The following TMPRSS11F variants were observed in gnomAD, a reference collection of about 807,000 sequenced individuals.
TMPRSS11F encodes transmembrane serine protease 11F, also known as transmembrane protease serine 11F.
A neutral mutation model predicts 60.2 loss-of-function variants in TMPRSS11F; 47 were observed. The observed-to-expected ratio is 0.78, with a 90% CI of 0.62 to 1.00. TMPRSS11F has a LOEUF of 1.00. Among genes scored for constraint, TMPRSS11F ranks in the 50% least tolerant of loss-of-function variants. TMPRSS11F has a pLI of 0.00. For missense variants in TMPRSS11F, 519 were observed against 522.9 expected (o/e 0.99, Z 0.07); for synonymous variants, 166 against 167.3 (o/e 0.99, Z 0.06).
chr4:68,115,044 C>CT (rs1724487326), intron 1 of TMPRSS11F, among the ~76,000 whole-genome samples: 1 of 144,816 alleles, frequency 6.9e-6, no homozygotes, highest in Non-Finnish European at 1.5e-5. Context: ...TTTCAACAAG[C>CT]TAGGGATAGA....
chr4:68,109,225 A>T (rs1724360422), intron 1 of TMPRSS11F, among the ~76,000 whole-genome samples: 1 of 152,112 alleles, frequency 6.6e-6, no homozygotes, highest in Admixed American at 6.6e-5. Flanking sequence ...GGTGCTGGGT[A>T]TTCTCTAGTG....
At chr4:68,060,515 C>A (rs1368229109) in intron 8 of TMPRSS11F, among the ~76,000 whole-genome samples, 12 of 29,632 alleles carry the variant, frequency 4.0e-4, no homozygotes, top group Admixed American at 1.6e-3. Context: ...GACTCCAACT[C>A]AAAAAAAAAA....
At chr4:68,077,758 G>A (rs1386860520) in intron 3 of TMPRSS11F, 4 of 152,230 alleles carry the variant, frequency 2.6e-5, no homozygotes, top group Admixed American at 2.6e-4. Context: ...TACTCAACTT[G>A]ACTGCCCAGA....
intron 1 of TMPRSS11F, among the ~76,000 whole-genome samples, 167 bp downstream of exon 1, chr4:68,129,643 T>C (rs1724780210): frequency 6.6e-6 from 1 of 152,132 alleles, no homozygotes. Context: ...AAAATTCTGA[T>C]ATTTAAAAAC....
intron 8 of TMPRSS11F, among the ~76,000 whole-genome samples, chr4:68,063,865 A>C (rs1296878717): frequency 6.6e-6 from 1 of 152,250 alleles, no homozygotes; most frequent in East Asian, 1.9e-4. Flanking sequence ...TTTAATGTTT[A>C]TGATCATCAT....
At chr4:68,081,968 C>A (rs996489626) in intron 3 of TMPRSS11F, among the ~76,000 whole-genome samples, 1 of 152,258 alleles carries the variant, frequency 6.6e-6, no homozygotes, top group South Asian at 2.1e-4. Flanking sequence ...AGTGGCAAGA[C>A]GGCTGCCCAG....
At chr4:68,097,217 T>C (rs1724091892) in intron 2 of TMPRSS11F, among the ~76,000 whole-genome samples, 1 of 152,228 alleles carries the variant, frequency 6.6e-6, no homozygotes. Flanking sequence ...GTTTGGTGAC[T>C]TAAAACAACA....
At chr4:68,062,420 T>C (rs1276384900) in intron 8 of TMPRSS11F, 2 of 605,920 alleles carry the variant, frequency 3.3e-6, no homozygotes, top group Non-Finnish European at 6.3e-6. Context: ...ACTTAAAGCA[T>C]TTTGGTAAAA....
At chr4:68,099,829 A>G (rs1724152637) in intron 1 of TMPRSS11F, among the ~76,000 whole-genome samples, 2 of 152,178 alleles carry the variant, frequency 1.3e-5, no homozygotes, top group African/African-American at 4.8e-5. Context: ...CCCTAAATGT[A>G]TACAGATTTT....
chr4:68,095,895 C>CAAAAAAAAAAAAAAAAAAAAAAAAAAA (rs56309846), intron 2 of TMPRSS11F, among the ~76,000 whole-genome samples: 1 of 83,556 alleles, frequency 1.2e-5, no homozygotes, highest in Non-Finnish European at 2.2e-5. Context: ...GATTCCATCT[C>CAAAAAAAAAAAAAAAAAAAAAAAAAAA]AAAAAAAAAA....
At chr4:68,084,603 T>C (rs1359035607) in intron 3 of TMPRSS11F, among the ~76,000 whole-genome samples, 1 of 152,168 alleles carries the variant, frequency 6.6e-6, no homozygotes, top group Non-Finnish European at 1.5e-5. Context: ...TTTTCAGATA[T>C]GCAAAAGCTA....
chr4:68,106,408 C>T (rs1724302520), intron 1 of TMPRSS11F, among the ~76,000 whole-genome samples: 1 of 152,158 alleles, frequency 6.6e-6, no homozygotes, highest in Admixed American at 6.6e-5. Context: ...CATGATGACA[C>T]TGGTATTTTC....
At chr4:68,098,779 T>C in intron 2 of TMPRSS11F, 108 bp downstream of exon 2, 1 of 1,024,696 alleles carries the variant, frequency 9.8e-7, no homozygotes, top group South Asian at 1.8e-5. Flanking sequence ...AAAAGACTGG[T>C]AATTAAAATG....
At chr4:68,075,186 A>G (rs1240302605) in intron 3 of TMPRSS11F, among the ~76,000 whole-genome samples, 3 of 152,164 alleles carry the variant, frequency 2.0e-5, no homozygotes, top group African/African-American at 7.2e-5. Context: ...AATGCCCAGT[A>G]GACTTTACCT....
chr4:68,089,476 C>T (rs1723881667), intron 3 of TMPRSS11F, among the ~76,000 whole-genome samples: 1 of 151,954 alleles, frequency 6.6e-6, no homozygotes, highest in Non-Finnish European at 1.5e-5. Flanking sequence ...TTGGAAATGT[C>T]TGATAATACA....
chr4:68,115,226 G>A (rs529546742), intron 1 of TMPRSS11F, among the ~76,000 whole-genome samples: 6 of 151,028 alleles, frequency 4.0e-5, no homozygotes, highest in South Asian at 2.1e-4. Flanking sequence ...GTGTGATGGC[G>A]GGCGCCTGTA....
At chr4:68,071,715 G>A (rs529190330) in intron 5 of TMPRSS11F, among the ~76,000 whole-genome samples, 3 of 152,100 alleles carry the variant, frequency 2.0e-5, no homozygotes, top group East Asian at 3.9e-4. Context: ...CTTTTCTTCC[G>A]CTTTGGAAGG....
At chr4:68,090,233 C>T (rs185818764) in intron 3 of TMPRSS11F, among the ~76,000 whole-genome samples, 4 of 151,918 alleles carry the variant, frequency 2.6e-5, no homozygotes, top group Admixed American at 2.0e-4. Context: ...GAAAATGAAT[C>T]GAAAACGATA....
chr4:68,120,801 A>G (rs543599675), intron 1 of TMPRSS11F, among the ~76,000 whole-genome samples: 5 of 152,306 alleles, frequency 3.3e-5, no homozygotes, highest in Admixed American at 2.0e-4. Flanking sequence ...GTTAGCAGCC[A>G]TGAATATTAA....
Sources: allele counts gnomAD v4.1 joint callset (sites outside exome capture counted in the v4.1 genomes callset), GRCh38; gene constraint gnomAD v4.1.1; transcripts MANE v1.5; gene names NCBI Gene and HGNC (gene_info 2026-07-23, HGNC 2026-07-21).